The following IRAK3 variants were observed in gnomAD, a reference collection of about 807,000 sequenced individuals.
IRAK3 encodes the protein interleukin-1 receptor-associated kinase 3.
A neutral mutation model predicts 56.6 loss-of-function variants in IRAK3; 57 were observed. That is an observed-to-expected ratio of 1.01 (90% CI 0.81 to 1.26). IRAK3 has a LOEUF of 1.26. Among genes scored for constraint, IRAK3 ranks in the 50% most tolerant of loss-of-function variants. The pLI is 0.00. For synonymous variants in IRAK3, 258 were observed against 255.7 expected (o/e 1.01, Z -0.09); for missense variants, 703 against 719.0 (o/e 0.98, Z 0.25).
At chr12:66,205,321 C>CT (rs1393264470) in intron 2 of IRAK3, among the ~76,000 whole-genome samples, 8 of 152,054 alleles carry the variant, frequency 5.3e-5, no homozygotes, top group Non-Finnish European at 1.0e-4. Context: ...ATTTATTTTT[C>CT]TTTTTTTGAT....
chr12:66,244,008 A>G (rs1456509179), intron 8 of IRAK3, among the ~76,000 whole-genome samples: 4 of 152,244 alleles, frequency 2.6e-5, no homozygotes, highest in South Asian at 2.1e-4. Context: ...TAGGGCTGCC[A>G]TGAGGGCAGG....
chr12:66,190,947 C>A (rs2052393121), intron 1 of IRAK3, among the ~76,000 whole-genome samples: 1 of 152,186 alleles, frequency 6.6e-6, no homozygotes. Flanking sequence ...CATCAAAGAA[C>A]AATTCAGTGA....
chr12:66,235,747 T>C (rs778731615), intron 8 of IRAK3, among the ~76,000 whole-genome samples: 24 of 152,234 alleles, frequency 1.6e-4, no homozygotes, highest in Non-Finnish European at 2.8e-4. Context: ...TTTGTATAAC[T>C]ACAAATTCAT....
chr12:66,205,036 AG>A (rs2052545902), intron 2 of IRAK3, among the ~76,000 whole-genome samples: 1 of 152,352 alleles, frequency 6.6e-6, no homozygotes, highest in Admixed American at 6.5e-5. Context: ...AGTGAAATTC[AG>A]TGAGTCCCTG....
At chr12:66,234,329 G>C (rs1157016722) in intron 8 of IRAK3, 1 of 1,612,614 alleles carries the variant, frequency 6.2e-7, no homozygotes, top group African/African-American at 1.3e-5. Flanking sequence ...CATTGAGGGA[G>C]TTAACACGGC....
intron 2 of IRAK3, among the ~76,000 whole-genome samples, chr12:66,209,045 C>T (rs1391457522): frequency 6.7e-6 from 1 of 148,784 alleles, no homozygotes; most frequent in East Asian, 1.9e-4. Context: ...TGTACTACAG[C>T]CTGGGCGAGA....
chr12:66,235,071 C>T (rs535757091), intron 8 of IRAK3: 17 of 1,613,284 alleles, frequency 1.1e-5, no homozygotes, highest in Middle Eastern at 1.8e-4. Flanking sequence ...AGGTCCTGGT[C>T]GGTGGTGTGG....
chr12:66,226,835 G>A lies in IRAK3; in HGVS notation c.766G>A (p.Val256Ile), dbSNP rs756350725. 2.0e-6 allele frequency: 3 copies of A among 1,515,132 alleles called. No homozygotes were observed. Among genetic ancestry groups the A allele is most frequent in the Non-Finnish European group, 2.8e-6 (3 of 1,089,662 alleles). The allele number at this position is 1,515,132 out of a possible 1,614,324, so 93.9% of individuals were successfully genotyped here. Reference sequence around the variant, plus strand: ...AACACTTTTTGACAGATTGCAGTGTGTAGTAAGTTCTATCTATTATTCTGT... The same window carrying A: ...AACACTTTTTGACAGATTGCAGTGTATAGTAAGTTCTATCTATTATTCTGT... ...NGTLFDRLQCVGDTAPLPWHI... is the reference protein window; with the variant it reads ...NGTLFDRLQCIGDTAPLPWHI... The change falls in exon 7 of 12, where the codon GTA becomes ATA. Residue 256 changes from valine to isoleucine, a missense_variant and splice_region_variant. Coordinates refer to ENST00000261233, the MANE Select transcript of IRAK3 (RefSeq NM_007199.3).
In IRAK3 at chr12:66,249,522, A is replaced by G. The variant is rs545391943; in HGVS notation, c.*1351A>G. The G allele has an allele frequency of 6.6e-6, 1 of 152,202 alleles. No individual in the cohort carries two copies. Among genetic ancestry groups the G allele is most frequent in the Non-Finnish European group, 1.5e-5 (1 of 68,042 alleles). 9.4% of individuals were successfully genotyped at this position (152,202 alleles called of 1,614,324 possible). On this transcript the variant is annotated 3_prime_UTR_variant, in exon 12 of 12. Coordinates refer to ENST00000261233, the MANE Select transcript of IRAK3 (RefSeq NM_007199.3). ...ATTAGTTTTCTATTGTTTTTGTAACACATTATCACAAATTTAGTGACTTAA... is the reference window on the plus strand; with the variant it reads ...ATTAGTTTTCTATTGTTTTTGTAACGCATTATCACAAATTTAGTGACTTAA...
Position 66,191,343 on chromosome 12 carries a change from C to G in IRAK3, c.133+1911C>G, listed in dbSNP as rs909507484. Among the ~76,000 whole-genome samples, 3 of 152,066 alleles carry G rather than the reference C, an allele frequency of 2.0e-5. No individual in the cohort carries two copies. In the South Asian group the frequency reaches 6.2e-4, roughly 32 times the overall value. On this transcript the variant is annotated intron_variant, in intron 1 of 11. Transcript: ENST00000261233. ...TGCTACAGGGGTTCTTGTTTGGCTG[C>G]CTGGGCTAGTTGCTACAGTTTAACC... is the stretch of plus-strand genomic sequence containing the variant.
chr12:66,226,091 A>C (rs1467403041), intron 6 of IRAK3, among the ~76,000 whole-genome samples: 1 of 152,204 alleles, frequency 6.6e-6, no homozygotes. Context: ...TTAATATTGA[A>C]TAGTGTTGTC....
intron 8 of IRAK3, among the ~76,000 whole-genome samples, chr12:66,237,595 C>T (rs2052921838): frequency 1.3e-5 from 2 of 152,160 alleles, no homozygotes; most frequent in South Asian, 4.1e-4. Context: ...AGTTCTGGCC[C>T]TGCTATTAAG....
chr12:66,235,307 G>GGGCGCA, intron 8 of IRAK3: 2 of 1,241,346 alleles, frequency 1.6e-6, no homozygotes, highest in Non-Finnish European at 1.0e-6. Flanking sequence ...CCGCGGCGGC[G>GGGCGCA]GGCGCGGGCG....
intron 1 of IRAK3, among the ~76,000 whole-genome samples, chr12:66,196,166 G>C (rs529941736): frequency 2.0e-5 from 3 of 152,050 alleles, no homozygotes; most frequent in African/African-American, 7.2e-5. Context: ...AGGGAGCAGG[G>C]ATATTTCCTT....
chr12:66,243,563 G>C (rs2052994690), intron 8 of IRAK3, among the ~76,000 whole-genome samples: 1 of 151,936 alleles, frequency 6.6e-6, no homozygotes, highest in Non-Finnish European at 1.5e-5. Context: ...TGTTCTCTTA[G>C]AATTGATTAC....
chr12:66,215,790 A>ACGTGCGCGCGCGCGCG (rs1225435769), intron 5 of IRAK3, among the ~76,000 whole-genome samples: 5,575 of 102,914 alleles, frequency 0.054, 162 homozygotes, highest in Middle Eastern at 0.1. Context: ...CAACATGCAC[A>ACGTGCGCGCGCGCGCG]CACACACACA....
At chr12:66,222,848 C>T (rs1366260070) in intron 6 of IRAK3, among the ~76,000 whole-genome samples, 2 of 152,118 alleles carry the variant, frequency 1.3e-5, no homozygotes, top group Non-Finnish European at 2.9e-5. Context: ...ATTTCACTCG[C>T]GTCTGTGTGA....
At position 66,249,168 on chromosome 12, in the gene IRAK3, C is replaced by G. The variant is rs919182493; in HGVS notation, c.*997C>G. On this transcript the variant is annotated 3_prime_UTR_variant, in exon 12 of 12. Coordinates refer to ENST00000261233, the MANE Select transcript of IRAK3 (RefSeq NM_007199.3). ...ATTATATCAAAGCTGCTTGTCTTAT[C>G]TCTTTTTTTTTTTGAGACGGAGTCT... The G allele has an allele frequency of 2.7e-5, 4 of 150,588 alleles. No homozygotes were observed. Among genetic ancestry groups the G allele is most frequent in the African/African-American group, 1.0e-4 (4 of 40,136 alleles). The allele number at this position is 150,588 out of a possible 1,614,324, so 9.3% of individuals were successfully genotyped here. A position where few individuals can be genotyped will look rare whatever the true frequency, so the allele number is the denominator to read the frequency against.
rs2053114646 is a variant in IRAK3 at position 66,252,920 on chromosome 12, C to G, written c.*4749C>G. The G allele has an allele frequency of 6.6e-6, 1 of 152,166 alleles. No homozygotes were observed. Among genetic ancestry groups the G allele is most frequent in the Non-Finnish European group, 1.5e-5 (1 of 68,044 alleles). The allele number at this position is 152,166 out of a possible 1,614,324, so 9.4% of individuals were successfully genotyped here. On this transcript the variant is annotated 3_prime_UTR_variant, in exon 12 of 12. Transcript: ENST00000261233. ...GCATTTGTTTGGATACTGATGGCAT[C>G]TTCCGGGGGTCTGAGGCACCTACAC...
Sources: allele counts gnomAD v4.1 joint callset (sites outside exome capture counted in the v4.1 genomes callset), GRCh38; gene constraint gnomAD v4.1.1; transcripts MANE v1.5; gene names NCBI Gene and HGNC (gene_info 2026-07-23, HGNC 2026-07-21).